Variants in SLC4A4 observed in about 807,000 individuals in gnomAD.
The protein encoded by SLC4A4 is electrogenic sodium bicarbonate cotransporter 1.
SLC4A4 carries 27 observed loss-of-function variants against 111.5 expected under a neutral mutation model. That is an observed-to-expected ratio of 0.24 (90% CI 0.18 to 0.33). SLC4A4 has a LOEUF of 0.33. Ranked by LOEUF, SLC4A4 falls within the 10% of genes least tolerant of loss-of-function variation. The pLI, the probability that SLC4A4 is intolerant of heterozygous loss-of-function variation, is 1.00. For missense variants in SLC4A4, 909 were observed against 1,315.5 expected, an observed-to-expected ratio of 0.69 and a Z score of 4.78; for synonymous variants, 443 against 463.4, an observed-to-expected ratio of 0.96 and a Z score of 0.57.
At chr4:71,533,842 TCTTTTTA>T (rs1340326134) in intron 17 of SLC4A4, among the ~76,000 whole-genome samples, 1 of 152,110 alleles carries the variant, frequency 6.6e-6, no homozygotes, top group Non-Finnish European at 1.5e-5. Flanking sequence ...TTTCTTGCTA[TCTTTTTA>T]CTTTTTACCT....
At chr4:71,485,849 C>T (rs1041372563) in intron 14 of SLC4A4, among the ~76,000 whole-genome samples, 1 of 151,234 alleles carries the variant, frequency 6.6e-6, no homozygotes, top group Non-Finnish European at 1.5e-5. Flanking sequence ...TTTTGAGTTC[C>T]TGTTAAGAGC....
At chr4:71,464,001 T>C (rs1296358706) in intron 12 of SLC4A4, among the ~76,000 whole-genome samples, 2 of 152,206 alleles carry the variant, frequency 1.3e-5, no homozygotes, top group Non-Finnish European at 2.9e-5. Context: ...CTTTGCTTAA[T>C]AAAGAATGTT....
intron 4 of SLC4A4, among the ~76,000 whole-genome samples, chr4:71,344,493 C>T (rs1729158916): frequency 6.6e-6 from 1 of 152,066 alleles, no homozygotes; most frequent in South Asian, 2.1e-4. Context: ...AGAAGGAATC[C>T]ATTTTACATA....
intron 20 of SLC4A4, among the ~76,000 whole-genome samples, chr4:71,548,092 C>T (rs561242578): frequency 2.4e-4 from 36 of 151,942 alleles, no homozygotes; most frequent in African/African-American, 8.2e-4. Flanking sequence ...TATCACCTTC[C>T]ATTTGCTTGT....
intron 18 of SLC4A4, among the ~76,000 whole-genome samples, chr4:71,543,661 T>C (rs1735265932): frequency 6.6e-6 from 1 of 152,112 alleles, no homozygotes; most frequent in Non-Finnish European, 1.5e-5. Context: ...TTTTTTTACA[T>C]AAGCTATTCT....
chr4:71,253,065 G>T (rs1319516667), intron 2 of SLC4A4, among the ~76,000 whole-genome samples: 1 of 152,146 alleles, frequency 6.6e-6, no homozygotes, highest in Non-Finnish European at 1.5e-5. Flanking sequence ...CAAGAAGGAG[G>T]AGTTGGAGGA....
chr4:71,181,479 C>T (rs551198406), intron 2 of SLC4A4, among the ~76,000 whole-genome samples: 25 of 152,226 alleles, frequency 1.6e-4, no homozygotes, highest in South Asian at 4.1e-4. Flanking sequence ...GTATCCTTCA[C>T]GAGATGCTTT....
Position 71,425,166 on chromosome 4 carries a change from C to T in SLC4A4, c.808-15450C>T, listed in dbSNP as rs374880238. Among the ~76,000 whole-genome samples, 26 of 152,170 alleles carry T rather than the reference C, an allele frequency of 1.7e-4. No homozygotes were observed. The South Asian group carries it at 2.5e-3, about 15-fold the overall frequency. On this transcript the variant is annotated intron_variant, in intron 7 of 25. Coordinates refer to ENST00000264485, the MANE Select transcript of SLC4A4 (RefSeq NM_001098484.3). Reference sequence around the variant, plus strand: ...TATTTGTCCAGGCTATTCAGGAACACGCAAGCCCTGTCCTCAGCTCAACAC... The same window carrying T: ...TATTTGTCCAGGCTATTCAGGAACATGCAAGCCCTGTCCTCAGCTCAACAC...
chr4:71,195,995 CTGAG>C (rs1207459732), intron 1 of SLC4A4, among the ~76,000 whole-genome samples: 8 of 152,226 alleles, frequency 5.3e-5, no homozygotes, highest in Admixed American at 5.2e-4. Flanking sequence ...ATGTTTTGTT[CTGAG>C]TGAGTAATCA....
intron 14 of SLC4A4, among the ~76,000 whole-genome samples, chr4:71,482,927 C>G (rs1157862320): frequency 6.6e-6 from 1 of 151,620 alleles, no homozygotes; most frequent in African/African-American, 2.4e-5. Context: ...GGGCAAGTAA[C>G]TGGCATAGCA....
At chr4:71,552,347 A>G (rs937554514) in intron 20 of SLC4A4, among the ~76,000 whole-genome samples, 3 of 151,750 alleles carry the variant, frequency 2.0e-5, no homozygotes, top group Non-Finnish European at 4.4e-5. Flanking sequence ...GTACATTCAC[A>G]TGTACACACA....
At chr4:71,187,958 C>T (rs191598884) in intron 1 of SLC4A4, among the ~76,000 whole-genome samples, 55 of 152,370 alleles carry the variant, frequency 3.6e-4, no homozygotes, top group African/African-American at 1.3e-3. Flanking sequence ...AGATTCTCTG[C>T]AAGTGGCACA....
intron 6 of SLC4A4, among the ~76,000 whole-genome samples, chr4:71,365,348 C>T (rs541642764): frequency 2.6e-5 from 4 of 152,226 alleles, no homozygotes; most frequent in South Asian, 4.1e-4. Context: ...AATAGAGCCA[C>T]GCTTGCAAAG....
At chr4:71,394,791 G>A (rs1049082484) in intron 6 of SLC4A4, among the ~76,000 whole-genome samples, 62 of 152,120 alleles carry the variant, frequency 4.1e-4, no homozygotes, top group African/African-American at 1.3e-3. Flanking sequence ...GGATGGGATT[G>A]GAGACCGTTA....
chr4:71,515,517 G>A (rs751988062), intron 16 of SLC4A4, among the ~76,000 whole-genome samples: 9 of 152,128 alleles, frequency 5.9e-5, no homozygotes, highest in Non-Finnish European at 1.3e-4. Flanking sequence ...TTAAATCGGT[G>A]TTTCTTTGTT....
chr4:71,140,059 T>A lies in SLC4A4; in HGVS notation c.-2+47267T>A, dbSNP rs187187183. Reference sequence around the variant, plus strand: ...TCTCTTTCCAGCTTCTCCCTTTTCTTGGATTTTCTAGTGAAGCTATTTTTA... The same window carrying A: ...TCTCTTTCCAGCTTCTCCCTTTTCTAGGATTTTCTAGTGAAGCTATTTTTA... On this transcript the variant is annotated intron_variant, in intron 2 of 26. Transcript: ENST00000649996. 1.9e-4 allele frequency among the ~76,000 whole-genome samples: 29 copies of A among 152,320 alleles called. No individual in the cohort carries two copies. In the East Asian group the frequency reaches 4.1e-3, roughly 21 times the overall value.
At chr4:71,439,652 A>G (rs574772796) in intron 7 of SLC4A4, among the ~76,000 whole-genome samples, 4 of 151,378 alleles carry the variant, frequency 2.6e-5, no homozygotes, top group Admixed American at 2.0e-4. Context: ...TTCTCTGCCT[A>G]TATCTTCTCC....
intron 15 of SLC4A4, among the ~76,000 whole-genome samples, chr4:71,487,585 G>A (rs1729532808): frequency 6.6e-6 from 1 of 151,578 alleles, no homozygotes. Context: ...ACACTGGAAG[G>A]AGGCTTTTGT....
intron 1 of SLC4A4, among the ~76,000 whole-genome samples, chr4:71,211,486 A>C (rs1718126485): frequency 6.6e-6 from 1 of 152,234 alleles, no homozygotes; most frequent in South Asian, 2.1e-4. Context: ...TCTGTAACAC[A>C]AACTACTAAC....
Sources: gnomAD v4.1 joint callset for allele counts (sites outside exome capture counted in the v4.1 genomes callset) on GRCh38, gnomAD v4.1.1 for gene constraint, MANE v1.5 for transcripts, NCBI Gene and HGNC (gene_info 2026-07-23, HGNC 2026-07-21) for gene names.